Variants in ADCY8 observed in about 807,000 individuals in gnomAD.
ADCY8 encodes adenylate cyclase 8.
Under a neutral mutation model 119.7 loss-of-function variants are expected in ADCY8, and 51 were observed. The ratio of observed to expected loss-of-function variants is 0.43; its 90% CI spans 0.34 to 0.54. The LOEUF (loss-of-function observed/expected upper bound fraction) is 0.54. ADCY8 is among the 20% of genes least tolerant of loss of function. The pLI, the probability that ADCY8 is intolerant of heterozygous loss-of-function variation, is 0.03. For synonymous variants in ADCY8, 665 were observed against 651.0 expected (o/e 1.02, Z -0.33); for missense variants, 1,383 against 1,598.8 (o/e 0.87, Z 2.30).
Position 131,039,915 on chromosome 8 carries a change from T to C in ADCY8, c.419A>G (p.Asp140Gly), listed in dbSNP as rs771490152. Residue 140 changes from aspartate to glycine, a missense_variant, in exon 1 of 18, where the codon GAT becomes GGT. Around this residue, in one of 2 missense-constraint regions of ADCY8, gnomAD observed 455 missense variants for 435.3 expected, o/e 1.05. Transcript: ENST00000286355. The part of the protein sequence containing the change: ...LHLDCAPSNS[D>G]FFLNGGYSYR... ...GCTATAGCCCCCATTAAGAAAGAAATCCGAGTTGCTAGGGGCACAGTCAAG... is the reference window on the plus strand; with the variant it reads ...GCTATAGCCCCCATTAAGAAAGAAACCCGAGTTGCTAGGGGCACAGTCAAG... 1 of 1,611,200 alleles carries C rather than the reference T, an allele frequency of 6.2e-7. No individual in the cohort carries two copies. The highest frequency in any genetic ancestry group is 8.5e-7 in the Non-Finnish European group (1 of 1,178,696).
At chr8:130,785,285 C>T (rs1369801503) in intron 16 of ADCY8, 98 bp downstream of exon 16, 3 of 767,186 alleles carry the variant, frequency 3.9e-6, no homozygotes, top group South Asian at 2.3e-5. Context: ...CCCCATCTTT[C>T]CCCAAGGATC....
intron 3 of ADCY8, among the ~76,000 whole-genome samples, chr8:130,947,031 G>A (rs1821125508): frequency 6.6e-6 from 1 of 152,156 alleles, no homozygotes. Context: ...AGATCATCAA[G>A]TCTTTTGATT....
chr8:131,014,758 T>C (rs1242606072), intron 1 of ADCY8, among the ~76,000 whole-genome samples: 2 of 152,216 alleles, frequency 1.3e-5, no homozygotes, highest in Non-Finnish European at 2.9e-5. Context: ...GGAATGGTAA[T>C]GGGACTTACT....
At chr8:130,968,516 A>G (rs548522847) in intron 2 of ADCY8, among the ~76,000 whole-genome samples, 7 of 152,250 alleles carry the variant, frequency 4.6e-5, no homozygotes, top group Non-Finnish European at 7.4e-5. Context: ...AGTTTTAAAC[A>G]ATGGCAGTGA....
intron 9 of ADCY8, among the ~76,000 whole-genome samples, chr8:130,855,308 A>C (rs1466601486): frequency 1.3e-5 from 2 of 152,126 alleles, no homozygotes; most frequent in Non-Finnish European, 2.9e-5. Context: ...GGGAACCAGC[A>C]CATATTAAAG....
chr8:130,979,138 G>A (rs1370890657), intron 2 of ADCY8, among the ~76,000 whole-genome samples: 1 of 152,156 alleles, frequency 6.6e-6, no homozygotes, highest in African/African-American at 2.4e-5. Flanking sequence ...TACTTTGGAA[G>A]AGCTACAAGA....
intron 1 of ADCY8, among the ~76,000 whole-genome samples, chr8:130,997,230 TATATATACATATAC>T (rs36222610): frequency 0.42 from 63,147 of 149,990 alleles, 13,722 homozygotes; most frequent in East Asian, 0.63. Context: ...TGAAGAAATA[TATATATACATATAC>T]ATATATACAT....
intron 6 of ADCY8, among the ~76,000 whole-genome samples, chr8:130,905,740 G>C (rs921810949): frequency 1.3e-5 from 2 of 152,208 alleles, no homozygotes; most frequent in Admixed American, 1.3e-4. Context: ...CATGCCTGTA[G>C]TCCCAGCTAC....
At chr8:131,022,909 A>G (rs1823717647) in intron 1 of ADCY8, among the ~76,000 whole-genome samples, 1 of 152,198 alleles carries the variant, frequency 6.6e-6, no homozygotes, top group Non-Finnish European at 1.5e-5. Flanking sequence ...GAATTACTAA[A>G]TGTAAATATA....
intron 2 of ADCY8, among the ~76,000 whole-genome samples, chr8:130,986,280 C>T (rs16904394): frequency 0.19 from 28,311 of 152,022 alleles, 4,874 homozygotes; most frequent in African/African-American, 0.46. Flanking sequence ...TTTATTTTTA[C>T]GCAAAGGAGT....
intron 14 of ADCY8, among the ~76,000 whole-genome samples, chr8:130,811,363 C>T (rs1040151572): frequency 6.6e-6 from 1 of 152,200 alleles, no homozygotes; most frequent in Non-Finnish European, 1.5e-5. Context: ...AGGGGCGCTA[C>T]AGGTAACATA....
intron 9 of ADCY8, among the ~76,000 whole-genome samples, chr8:130,866,642 C>A (rs986114764): frequency 7.2e-5 from 11 of 152,300 alleles, no homozygotes; most frequent in Middle Eastern, 3.4e-3. Context: ...ACCTTTTCTG[C>A]AAATTTTTCC....
At chr8:130,795,329 C>A (rs1035945949) in intron 15 of ADCY8, among the ~76,000 whole-genome samples, 5 of 152,118 alleles carry the variant, frequency 3.3e-5, no homozygotes, top group African/African-American at 1.2e-4. Flanking sequence ...TTGCAGGGTC[C>A]AGTGCAAAAT....
At chr8:130,912,327 A>G (rs1586564250) in intron 5 of ADCY8, among the ~76,000 whole-genome samples, 1 of 152,338 alleles carries the variant, frequency 6.6e-6, no homozygotes, top group Admixed American at 6.5e-5. Flanking sequence ...AACACTTAGC[A>G]GGTGTTTACT....
intron 9 of ADCY8, among the ~76,000 whole-genome samples, chr8:130,864,291 C>CT (rs201379162): frequency 0.021 from 3,253 of 152,162 alleles, 52 homozygotes; most frequent in Non-Finnish European, 0.035. Flanking sequence ...AATACAATAT[C>CT]TTTTTTTGAT....
chr8:131,039,158 G>A (rs1824265280), intron 1 of ADCY8, among the ~76,000 whole-genome samples: 1 of 152,228 alleles, frequency 6.6e-6, no homozygotes, highest in South Asian at 2.1e-4. Flanking sequence ...CAGAGTAGAA[G>A]GGTAGAGTTG....
At chr8:130,808,137 C>T (rs1177141656) in intron 14 of ADCY8, among the ~76,000 whole-genome samples, 2 of 151,736 alleles carry the variant, frequency 1.3e-5, no homozygotes, top group East Asian at 3.9e-4. Context: ...TCAAATTCAT[C>T]ATTCTCTGAC....
At chr8:130,780,933 G>A in intron 17 of ADCY8, 56 bp from the exon 18 acceptor site, 1 of 1,583,988 alleles carries the variant, frequency 6.3e-7, no homozygotes, top group South Asian at 1.2e-5. Flanking sequence ...ACAATGGGGT[G>A]TTTGGACCCC....
At chr8:130,841,660 A>C (rs1382410133) in intron 11 of ADCY8, among the ~76,000 whole-genome samples, 2 of 152,190 alleles carry the variant, frequency 1.3e-5, no homozygotes, top group Non-Finnish European at 2.9e-5. Context: ...CTGACGAGGG[A>C]ATTGAGCATC....
Sources: allele counts gnomAD v4.1 joint callset (sites outside exome capture counted in the v4.1 genomes callset), GRCh38; gene constraint gnomAD v4.1.1; regional missense constraint gnomAD v4.1.1; transcripts MANE v1.5; gene names NCBI Gene and HGNC (gene_info 2026-07-23, HGNC 2026-07-21).